Variants in CLEC5A observed in about 807,000 individuals in gnomAD.
CLEC5A encodes the protein C-type lectin domain family 5 member A.
CLEC5A carries 15 observed loss-of-function variants against 24.4 expected under a neutral mutation model. The observed-to-expected ratio is 0.62, with a 90% CI of 0.41 to 0.95. The LOEUF (loss-of-function observed/expected upper bound fraction) is 0.95. Among genes scored for constraint, CLEC5A ranks in the 40% least tolerant of loss-of-function variants. The pLI is 0.00. For missense variants in CLEC5A, 211 were observed against 224.0 expected, an observed-to-expected ratio of 0.94 and a Z score of 0.37; for synonymous variants, 71 against 72.6, an observed-to-expected ratio of 0.98 and a Z score of 0.11.
intron 5 of CLEC5A, among the ~76,000 whole-genome samples, chr7:141,932,412 C>T (rs535619440): frequency 6.6e-6 from 1 of 152,340 alleles, no homozygotes; most frequent in South Asian, 2.1e-4. Flanking sequence ...TAGTCCTAGA[C>T]ATCTTTGTTC....
intron 2 of CLEC5A, chr7:141,945,681 A>G: frequency 2.1e-6 from 1 of 472,456 alleles, no homozygotes; most frequent in Non-Finnish European, 3.8e-6. Context: ...TTCCTTCCTC[A>G]TTTATTTTCC....
chr7:141,927,385 A>T lies in CLEC5A; in HGVS notation c.*2719T>A, dbSNP rs1802327837. ...AGTGACAGAATCTGTTTAATGTTTT[A>T]ACAAGATCATCCTGGTTGCTGGATG... On this transcript the variant is annotated 3_prime_UTR_variant, in exon 7 of 7. Coordinates refer to ENST00000546910, the MANE Select transcript of CLEC5A (RefSeq NM_013252.3). 1 of 152,354 alleles carries T rather than the reference A, an allele frequency of 6.6e-6. No individual in the cohort carries two copies. The highest frequency in any genetic ancestry group is 3.4e-3 in the Middle Eastern group (1 of 294). 9.4% of individuals were successfully genotyped at this position (152,354 alleles called of 1,614,324 possible).
At position 141,928,354 on chromosome 7, in the gene CLEC5A, T is replaced by A. The variant is rs1471985631; in HGVS notation, c.*1750A>T. ...GAAATAGGAAGTGAAGCAACTACAG[T>A]TCTCTCTTCTCAAAACAGAAGGATT... On this transcript the variant is annotated 3_prime_UTR_variant, in exon 7 of 7. Coordinates refer to ENST00000546910, the MANE Select transcript of CLEC5A (RefSeq NM_013252.3). 1.3e-5 allele frequency: 2 copies of A among 152,584 alleles called. No individual in the cohort carries two copies. The highest frequency in any genetic ancestry group is 4.8e-5 in the African/African-American group (2 of 41,454). 9.5% of individuals were successfully genotyped at this position (152,584 alleles called of 1,614,324 possible). A position where few individuals can be genotyped will look rare whatever the true frequency, so the allele number is the denominator to read the frequency against.
chr7:141,944,661 C>T (rs1308109993), intron 3 of CLEC5A, among the ~76,000 whole-genome samples: 1 of 152,168 alleles, frequency 6.6e-6, no homozygotes, highest in African/African-American at 2.4e-5. Flanking sequence ...GGTCAAACAT[C>T]TAATTGGGCT....
chr7:141,939,513 G>C (rs149175711), intron 4 of CLEC5A, among the ~76,000 whole-genome samples: 1 of 151,834 alleles, frequency 6.6e-6, no homozygotes, highest in African/African-American at 2.4e-5. Flanking sequence ...AGGAAGGAAA[G>C]AAAGAAGGAA....
At position 141,946,255 on chromosome 7, in the gene CLEC5A, AC is replaced by A. The variant is rs1302130249; in HGVS notation, c.37del (p.Val13Ter). ...WHMIISGLIV[V>X]VLKVVGMTLF... ...GGTCATTCCAACAACTTTAAGCACT[AC>A]CACAATAAGCCCAGAGATGATCATG... On this transcript the variant is annotated frameshift_variant, in exon 2 of 7. Transcript: ENST00000546910. LOFTEE classifies it high-confidence loss of function. 4 of 1,572,704 alleles carry A rather than the reference AC, an allele frequency of 2.5e-6. No individual in the cohort carries two copies. The highest frequency in any genetic ancestry group is 3.5e-6 in the Non-Finnish European group (4 of 1,157,816).
At chr7:141,942,512 G>A (rs1802824040) in intron 4 of CLEC5A, among the ~76,000 whole-genome samples, 2 of 152,086 alleles carry the variant, frequency 1.3e-5, no homozygotes, top group African/African-American at 4.8e-5. Context: ...ACATTGAAGT[G>A]AGCAAAGATT....
intron 2 of CLEC5A, chr7:141,945,952 C>T (rs1802939885): frequency 2.2e-6 from 1 of 451,956 alleles, no homozygotes; most frequent in Non-Finnish European, 3.9e-6. Flanking sequence ...CCAAATAATA[C>T]TCTACTAGCA....
chr7:141,932,846 G>A (rs1584843309), intron 5 of CLEC5A, among the ~76,000 whole-genome samples: 1 of 152,144 alleles, frequency 6.6e-6, no homozygotes, highest in South Asian at 2.1e-4. Context: ...AGTTACAACA[G>A]CAGAGACCAA....
chr7:141,944,226 C>T (rs1450739840), intron 3 of CLEC5A, among the ~76,000 whole-genome samples: 1 of 152,066 alleles, frequency 6.6e-6, no homozygotes, highest in Admixed American at 6.6e-5. Context: ...AGAAAAAGAA[C>T]AGAAGAAAGG....
At position 141,931,450 on chromosome 7, in the gene CLEC5A, G is replaced by A. The variant is rs75380897; in HGVS notation, c.452+270C>T. The A allele has an allele frequency of 4.0e-3, 1,977 of 499,334 alleles. 12 individuals carry two copies. Among genetic ancestry groups the A allele is most frequent in the Non-Finnish European group, 5.6e-3 (1,586 of 283,874 alleles). 30.9% of individuals were successfully genotyped at this position (499,334 alleles called of 1,614,324 possible). Reference sequence around the variant, plus strand: ...GAGCTACAAGATACATCAAATGAATGCTATGTAGGTGGATTTGTTTGGATC... The same window carrying A: ...GAGCTACAAGATACATCAAATGAATACTATGTAGGTGGATTTGTTTGGATC... On this transcript the variant is annotated intron_variant, in intron 6 of 6. Transcript: ENST00000546910.
intron 4 of CLEC5A, 109 bp from the exon 5 acceptor site, chr7:141,936,059 A>G (rs1246776904): frequency 1.1e-6 from 1 of 885,046 alleles, no homozygotes; most frequent in African/African-American, 1.7e-5. Context: ...TAACAATTAT[A>G]TTGGTAAAAA....
intron 5 of CLEC5A, among the ~76,000 whole-genome samples, chr7:141,934,441 G>T (rs967606311): frequency 3.9e-5 from 6 of 151,912 alleles, no homozygotes; most frequent in Admixed American, 2.6e-4. Flanking sequence ...CAGGAAGAGT[G>T]GGGGGGTCAA....
rs781936194 is a variant in CLEC5A, at chr7:141,930,119, C to G, written c.552G>C (p.Glu184Asp). Residue 184 changes from glutamate (E) to aspartate (D), a missense_variant, in exon 7 of 7, where the codon GAG (glutamate) becomes GAC (aspartate). Physicochemically the swap from Glu to Asp is conservative, Grantham distance 45 (BLOSUM62 2). Coordinates refer to ENST00000546910, the MANE Select transcript of CLEC5A (RefSeq NM_013252.3). ...SCDISYRRIC[E>D]KNAK ...GGAACTGTGATCATTTGGCATTCTT[C>G]TCACAGATCCTGCGGTAGCTGATGT... The G allele has an allele frequency of 1.2e-6, 2 of 1,613,620 alleles. No homozygotes were observed. Among genetic ancestry groups the G allele is most frequent in the Non-Finnish European group, 1.7e-6 (2 of 1,179,544 alleles).
At chr7:141,934,611 A>C (rs149922883) in intron 5 of CLEC5A, among the ~76,000 whole-genome samples, 3,170 of 99,416 alleles carry the variant, frequency 0.032, 138 homozygotes, top group African/African-American at 0.12. Context: ...TTTTTCTTTA[A>C]CGTTTTTTTT....
chr7:141,934,809 G>T (rs1554440860), intron 5 of CLEC5A, among the ~76,000 whole-genome samples: 2 of 151,696 alleles, frequency 1.3e-5, no homozygotes, highest in African/African-American at 4.8e-5. Context: ...GTAGAGACAT[G>T]GTTTCACCAT....
At chr7:141,932,188 T>TA (rs1397978386) in intron 5 of CLEC5A, among the ~76,000 whole-genome samples, 6 of 152,192 alleles carry the variant, frequency 3.9e-5, no homozygotes, top group African/African-American at 1.4e-4. Flanking sequence ...CAGGGTCATT[T>TA]AAAAAAATAT....
intron 5 of CLEC5A, among the ~76,000 whole-genome samples, chr7:141,934,818 A>G (rs117505222): frequency 0.013 from 2,002 of 151,898 alleles, 31 homozygotes; most frequent in South Asian, 0.053. Flanking sequence ...TGGTTTCACC[A>G]TGTTGGCCAG....
At chr7:141,934,359 G>A (rs1462042979) in intron 5 of CLEC5A, among the ~76,000 whole-genome samples, 1 of 152,082 alleles carries the variant, frequency 6.6e-6, no homozygotes, top group Non-Finnish European at 1.5e-5. Context: ...GAAAAGAGAA[G>A]GTAAAGTCCC....
Sources: gnomAD v4.1 joint callset for allele counts (sites outside exome capture counted in the v4.1 genomes callset) on GRCh38, gnomAD v4.1.1 for gene constraint, MANE v1.5 for transcripts, NCBI Gene and HGNC (gene_info 2026-07-23, HGNC 2026-07-21) for gene names.